The following KIAA1958 variants were observed in gnomAD, a reference collection of about 807,000 sequenced individuals.
KIAA1958 encodes the protein KIAA1958.
In KIAA1958, 14 loss-of-function variants were observed where a neutral mutation model predicts 47.2. That is an observed-to-expected ratio of 0.30 (90% CI 0.20 to 0.46). The LOEUF is 0.46. Ranked by LOEUF, KIAA1958 falls within the 20% of genes least tolerant of loss-of-function variation. The pLI is 1.00. For missense variants in KIAA1958, 803 were observed against 909.2 expected, an observed-to-expected ratio of 0.88 and a Z score of 1.50; for synonymous variants, 354 against 353.3, an observed-to-expected ratio of 1.00 and a Z score of -0.02.
At chr9:112,635,494 C>T (rs897653650) in intron 2 of KIAA1958, among the ~76,000 whole-genome samples, 14 of 152,130 alleles carry the variant, frequency 9.2e-5, no homozygotes, top group African/African-American at 1.2e-4. Context: ...TCAAGTTATC[C>T]GCCTGCCTTG....
intron 1 of KIAA1958, among the ~76,000 whole-genome samples, chr9:112,525,856 G>A (rs896308762): frequency 6.7e-5 from 10 of 150,228 alleles, no homozygotes; most frequent in Non-Finnish European, 1.2e-4. Flanking sequence ...ATAGGACAAA[G>A]GGATTCAGGG....
chr9:112,492,856 C>T (rs1833992157), intron 1 of KIAA1958, among the ~76,000 whole-genome samples: 1 of 151,942 alleles, frequency 6.6e-6, no homozygotes, highest in African/African-American at 2.4e-5. Flanking sequence ...CTCAAGCAGT[C>T]CTCTCACCTC....
intron 1 of KIAA1958, among the ~76,000 whole-genome samples, chr9:112,552,984 G>A (rs1326046367): frequency 2.0e-5 from 3 of 152,082 alleles, no homozygotes; most frequent in African/African-American, 7.2e-5. Context: ...AATGTCACTT[G>A]AGAGATGGCA....
intron 2 of KIAA1958, among the ~76,000 whole-genome samples, chr9:112,642,897 A>T (rs1438383875): frequency 6.6e-6 from 1 of 152,374 alleles, no homozygotes; most frequent in Middle Eastern, 3.4e-3. Flanking sequence ...CTGTCCCATT[A>T]TGTAAGCAGA....
intron 2 of KIAA1958, among the ~76,000 whole-genome samples, chr9:112,604,812 A>G (rs1836196889): frequency 6.6e-6 from 1 of 151,398 alleles, no homozygotes; most frequent in Non-Finnish European, 1.5e-5. Context: ...TAAAATTCAG[A>G]ACATATGCTG....
chr9:112,564,646 T>G (rs1450300385), intron 1 of KIAA1958, among the ~76,000 whole-genome samples: 1 of 152,228 alleles, frequency 6.6e-6, no homozygotes, highest in African/African-American at 2.4e-5. Context: ...GCTTAAATAG[T>G]TTTTATTATA....
At chr9:112,530,196 C>T (rs778258947) in intron 1 of KIAA1958, among the ~76,000 whole-genome samples, 2 of 152,188 alleles carry the variant, frequency 1.3e-5, no homozygotes, top group Non-Finnish European at 2.9e-5. Context: ...TGGCATTCTT[C>T]TGTAGAGTGG....
At chr9:112,493,587 A>G (rs1260280437) in intron 1 of KIAA1958, among the ~76,000 whole-genome samples, 1 of 152,292 alleles carries the variant, frequency 6.6e-6, no homozygotes, top group East Asian at 1.9e-4. Flanking sequence ...ATCATATGCT[A>G]CTGTGTTACC....
At chr9:112,643,229 A>G (rs149981598) in intron 2 of KIAA1958, among the ~76,000 whole-genome samples, 8 of 152,296 alleles carry the variant, frequency 5.3e-5, no homozygotes, top group Non-Finnish European at 1.0e-4. Flanking sequence ...GGAGTCAGAG[A>G]CCCGGGTTCA....
intron 2 of KIAA1958, among the ~76,000 whole-genome samples, chr9:112,612,535 A>G (rs1236786155): frequency 1.3e-5 from 2 of 152,158 alleles, no homozygotes; most frequent in Non-Finnish European, 2.9e-5. Flanking sequence ...AGAAAATGAG[A>G]AAATACAGAT....
rs1238963681 is a variant in KIAA1958 at position 112,662,055 on chromosome 9, C to G, written c.*1986C>G. The G allele has an allele frequency of 1.3e-5, 2 of 152,198 alleles. No individual in the cohort carries two copies. Among genetic ancestry groups the G allele is most frequent in the Non-Finnish European group, 2.9e-5 (2 of 68,044 alleles). The allele number at this position is 152,198 out of a possible 1,614,324, so 9.4% of individuals were successfully genotyped here. A position where few individuals can be genotyped will look rare whatever the true frequency, so the allele number is the denominator to read the frequency against. Reference sequence around the variant, plus strand: ...AATTGCCGTTAGGAATCACTGGGATCTTTTCGGATTTTGACCTTTTCAAAG... The same window carrying G: ...AATTGCCGTTAGGAATCACTGGGATGTTTTCGGATTTTGACCTTTTCAAAG... On this transcript the variant is annotated 3_prime_UTR_variant, in exon 4 of 4. Transcript: ENST00000337530.
At chr9:112,562,298 T>C (rs1423897916) in intron 1 of KIAA1958, among the ~76,000 whole-genome samples, 1 of 152,218 alleles carries the variant, frequency 6.6e-6, no homozygotes, top group East Asian at 1.9e-4. Flanking sequence ...AGTATTCTTA[T>C]CATTTTACAG....
intron 2 of KIAA1958, among the ~76,000 whole-genome samples, chr9:112,601,115 A>C (rs555842906): frequency 1.3e-4 from 20 of 152,224 alleles, no homozygotes; most frequent in African/African-American, 4.6e-4. Context: ...AGCTAAGATA[A>C]GAATTGGAAA....
chr9:112,521,710 T>G (rs1427076971), intron 1 of KIAA1958, among the ~76,000 whole-genome samples: 1 of 152,164 alleles, frequency 6.6e-6, no homozygotes, highest in Non-Finnish European at 1.5e-5. Flanking sequence ...TGGAAAAGAA[T>G]ATATATTCTG....
intron 1 of KIAA1958, among the ~76,000 whole-genome samples, chr9:112,511,686 A>G (rs1834328180): frequency 6.6e-6 from 1 of 152,248 alleles, no homozygotes; most frequent in Non-Finnish European, 1.5e-5. Flanking sequence ...ATATCAGAGC[A>G]TAAATCAGTG....
At chr9:112,495,975 A>G (rs1253458981) in intron 1 of KIAA1958, among the ~76,000 whole-genome samples, 1 of 152,158 alleles carries the variant, frequency 6.6e-6, no homozygotes, top group Non-Finnish European at 1.5e-5. Flanking sequence ...AATGACCAGT[A>G]CTTACTGACA....
intron 1 of KIAA1958, among the ~76,000 whole-genome samples, chr9:112,543,835 AG>A (rs1361317875): frequency 2.6e-5 from 4 of 152,076 alleles, no homozygotes; most frequent in Non-Finnish European, 5.9e-5. Flanking sequence ...GGCCTCCCAC[AG>A]TTCTGAGCTT....
chr9:112,552,721 T>A (rs1336420491), intron 1 of KIAA1958, among the ~76,000 whole-genome samples: 1 of 152,204 alleles, frequency 6.6e-6, no homozygotes, highest in Non-Finnish European at 1.5e-5. Flanking sequence ...ATTCTGGGGT[T>A]GCATGTGTAG....
At chr9:112,652,596 G>A (rs536755003) in intron 3 of KIAA1958, among the ~76,000 whole-genome samples, 393 of 152,182 alleles carry the variant, frequency 2.6e-3, no homozygotes, top group Middle Eastern at 0.024. Context: ...AGGTTAATTC[G>A]TTGGTTTAAC....
Sources: allele counts gnomAD v4.1 joint callset (sites outside exome capture counted in the v4.1 genomes callset), GRCh38; gene constraint gnomAD v4.1.1; transcripts MANE v1.5; gene names NCBI Gene and HGNC (gene_info 2026-07-23, HGNC 2026-07-21).